The following CFDP1 variants were observed in gnomAD, a reference collection of about 807,000 sequenced individuals.
CFDP1 encodes heterochromatin-stabilizing protein CFDP1.
In CFDP1, 31 loss-of-function variants were observed where a neutral mutation model predicts 40.1. The observed-to-expected ratio is 0.77, with a 90% CI of 0.58 to 1.04. The LOEUF (loss-of-function observed/expected upper bound fraction) is 1.04. Ranked by LOEUF, CFDP1 falls within the 50% of genes least tolerant of loss-of-function variation. The probability of loss-of-function intolerance (pLI) is 0.00; values close to 1 mark genes in which losing one functional copy is unlikely to be tolerated. For synonymous variants in CFDP1, 167 were observed against 120.0 expected (o/e 1.39, Z -2.56); for missense variants, 423 against 343.4 (o/e 1.23, Z -1.83).
chr16:75,329,307 T>C (rs2078427766), intron 5 of CFDP1, among the ~76,000 whole-genome samples: 2 of 152,156 alleles, frequency 1.3e-5, no homozygotes, highest in Admixed American at 1.3e-4. Context: ...TTTTACAATA[T>C]GGACAAAAAT....
intron 6 of CFDP1, among the ~76,000 whole-genome samples, chr16:75,303,899 G>C (rs144130994): frequency 2.0e-5 from 3 of 152,278 alleles, no homozygotes; most frequent in African/African-American, 7.2e-5. Flanking sequence ...CAGAGCTGCC[G>C]AGCAGCCAGG....
At chr16:75,341,830 AGCCAGGTAAC>A (rs2078529230) in intron 5 of CFDP1, among the ~76,000 whole-genome samples, 1 of 152,158 alleles carries the variant, frequency 6.6e-6, no homozygotes, top group Admixed American at 6.6e-5. Flanking sequence ...GTACTCAAGC[AGCCAGGTAAC>A]GAGGCAGTGT....
At chr16:75,320,578 C>T (rs920684222) in intron 5 of CFDP1, among the ~76,000 whole-genome samples, 12 of 152,190 alleles carry the variant, frequency 7.9e-5, no homozygotes, top group African/African-American at 2.9e-4. Flanking sequence ...AGAGCAAGGC[C>T]TCTGACCCAG....
chr16:75,384,581 A>C (rs144939584), intron 5 of CFDP1, among the ~76,000 whole-genome samples: 1 of 152,292 alleles, frequency 6.6e-6, no homozygotes, highest in Non-Finnish European at 1.5e-5. Flanking sequence ...CCAATGACCC[A>C]GCAATCCCAC....
intron 5 of CFDP1, among the ~76,000 whole-genome samples, chr16:75,331,868 C>T (rs2078448169): frequency 6.6e-6 from 1 of 152,140 alleles, no homozygotes; most frequent in Admixed American, 6.5e-5. Flanking sequence ...GTATATTTAA[C>T]TTTAATGCCA....
intron 1 of CFDP1, among the ~76,000 whole-genome samples, chr16:75,429,198 G>A (rs561564112): frequency 4.9e-4 from 74 of 152,262 alleles, no homozygotes; most frequent in Middle Eastern, 3.4e-3. Flanking sequence ...ACATTGAGCA[G>A]AAATCAGTAA....
chr16:75,323,292 A>G (rs1467737263), intron 5 of CFDP1, among the ~76,000 whole-genome samples: 1 of 151,938 alleles, frequency 6.6e-6, no homozygotes, highest in East Asian at 1.9e-4. Context: ...AGGATCATCA[A>G]TATCACTGTC....
chr16:75,383,407 T>C (rs906466077), intron 5 of CFDP1, among the ~76,000 whole-genome samples: 1 of 152,212 alleles, frequency 6.6e-6, no homozygotes, highest in Non-Finnish European at 1.5e-5. Context: ...TAAAAATCGC[T>C]TAGTGCTATG....
At chr16:75,377,802 CA>C in intron 5 of CFDP1, among the ~76,000 whole-genome samples, 1 of 152,336 alleles carries the variant, frequency 6.6e-6, no homozygotes, top group Admixed American at 6.5e-5. Flanking sequence ...TCCAAAGCAA[CA>C]AACATGCAGT....
chr16:75,332,582 C>G (rs1015479148), intron 5 of CFDP1, among the ~76,000 whole-genome samples: 1 of 151,770 alleles, frequency 6.6e-6, no homozygotes, highest in African/African-American at 2.4e-5. Context: ...TGGGAGTATC[C>G]TTTAAGCCCG....
At chr16:75,341,596 G>A (rs2078527297) in intron 5 of CFDP1, among the ~76,000 whole-genome samples, 1 of 151,914 alleles carries the variant, frequency 6.6e-6, no homozygotes, top group African/African-American at 2.4e-5. Context: ...CCTATGTCTG[G>A]CATTGCTCTG....
intron 1 of CFDP1, among the ~76,000 whole-genome samples, chr16:75,424,845 C>A (rs1019689352): frequency 6.6e-6 from 1 of 150,774 alleles, no homozygotes. Context: ...TAAAGTACAA[C>A]AAGGCAAGCA....
intron 5 of CFDP1, among the ~76,000 whole-genome samples, chr16:75,357,443 C>CG (rs1459094610): frequency 1.3e-5 from 2 of 151,778 alleles, no homozygotes. Context: ...TTAGTAGAGA[C>CG]GGGGTTTCAC....
intron 5 of CFDP1, among the ~76,000 whole-genome samples, chr16:75,350,514 A>G (rs2151525839): frequency 6.6e-6 from 1 of 152,306 alleles, no homozygotes; most frequent in South Asian, 2.1e-4. Flanking sequence ...TAAATTAAGT[A>G]TTGTTATTTT....
At chr16:75,386,874 T>C (rs967048972) in intron 5 of CFDP1, among the ~76,000 whole-genome samples, 1 of 152,262 alleles carries the variant, frequency 6.6e-6, no homozygotes, top group Admixed American at 6.5e-5. Context: ...TCTCAGTTAC[T>C]AGCTTAGCCT....
At chr16:75,348,799 T>C (rs2078588064) in intron 5 of CFDP1, among the ~76,000 whole-genome samples, 2 of 152,324 alleles carry the variant, frequency 1.3e-5, no homozygotes, top group South Asian at 2.1e-4. Flanking sequence ...CAGCATACAA[T>C]TGTGCACATC....
intron 1 of CFDP1, among the ~76,000 whole-genome samples, chr16:75,426,988 G>C (rs1263262384): frequency 6.6e-6 from 1 of 151,362 alleles, no homozygotes; most frequent in Non-Finnish European, 1.5e-5. Context: ...CCGGGAGGTG[G>C]AGGTTGTGGT....
chr16:75,342,312 G>C (rs986192880), intron 5 of CFDP1, among the ~76,000 whole-genome samples: 1 of 152,190 alleles, frequency 6.6e-6, no homozygotes, highest in African/African-American at 2.4e-5. Flanking sequence ...ACAAATCCTT[G>C]TTGGCACTCC....
intron 5 of CFDP1, among the ~76,000 whole-genome samples, chr16:75,341,841 G>A (rs555304182): frequency 2.6e-5 from 4 of 152,172 alleles, no homozygotes; most frequent in South Asian, 2.1e-4. Flanking sequence ...GCCAGGTAAC[G>A]AGGCAGTGTG....
Sources: allele counts gnomAD v4.1 joint callset (sites outside exome capture counted in the v4.1 genomes callset), GRCh38; gene constraint gnomAD v4.1.1; transcripts MANE v1.5; gene names NCBI Gene and HGNC (gene_info 2026-07-23, HGNC 2026-07-21).